Variants in CDH12 observed in about 807,000 individuals in gnomAD.
The protein encoded by CDH12 is cadherin 12, also known as cadherin-12.
A neutral mutation model predicts 74.1 loss-of-function variants in CDH12; 41 were observed. That is an observed-to-expected ratio of 0.55 (90% CI 0.43 to 0.72). The LOEUF is 0.72. Among genes scored for constraint, CDH12 ranks in the 30% least tolerant of loss-of-function variants. CDH12 has a pLI of 0.00. For synonymous variants in CDH12, 399 were observed against 355.0 expected (o/e 1.12, Z -1.39); for missense variants, 945 against 977.2 (o/e 0.97, Z 0.44).
intron 1 of CDH12, among the ~76,000 whole-genome samples, chr5:22,749,453 A>T (rs1397428695): frequency 6.6e-6 from 1 of 152,234 alleles, no homozygotes; most frequent in East Asian, 1.9e-4. Context: ...GTTTCAAGTG[A>T]ATGATTTTCA....
intron 5 of CDH12, among the ~76,000 whole-genome samples, chr5:22,030,593 A>G (rs1006989776): frequency 3.9e-5 from 6 of 152,158 alleles, no homozygotes; most frequent in African/African-American, 1.4e-4. Context: ...ATTTAACACA[A>G]CTTTTAAGGG....
chr5:22,425,156 T>TATATATATATATAA (rs1554039872), intron 2 of CDH12, among the ~76,000 whole-genome samples: 1,679 of 126,228 alleles, frequency 0.013, 45 homozygotes, highest in African/African-American at 0.047. Context: ...TGTGTGTGTA[T>TATATATATATATAA]ATATATATAT....
chr5:22,386,283 C>T (rs1481462279), intron 3 of CDH12, among the ~76,000 whole-genome samples: 1 of 152,182 alleles, frequency 6.6e-6, no homozygotes, highest in Non-Finnish European at 1.5e-5. Context: ...AGTCATCTCC[C>T]ACTAGGCCTC....
At chr5:22,185,820 G>T (rs1393567668) in intron 4 of CDH12, among the ~76,000 whole-genome samples, 1 of 152,148 alleles carries the variant, frequency 6.6e-6, no homozygotes, top group African/African-American at 2.4e-5. Context: ...CACAAAAAAA[G>T]ATTTATATCT....
chr5:22,250,855 A>G (rs2150387316), intron 3 of CDH12, among the ~76,000 whole-genome samples: 1 of 152,284 alleles, frequency 6.6e-6, no homozygotes, highest in Admixed American at 6.5e-5. Flanking sequence ...TGTAGCAATA[A>G]CAGCCTGGAT....
intron 3 of CDH12, among the ~76,000 whole-genome samples, chr5:22,307,109 G>A (rs1272417646): frequency 1.3e-5 from 2 of 152,120 alleles, no homozygotes; most frequent in Admixed American, 6.5e-5. Flanking sequence ...AGTCCTGAAT[G>A]TGGAAACTCT....
chr5:22,563,153 T>C (rs578115967), intron 1 of CDH12, among the ~76,000 whole-genome samples: 2 of 150,984 alleles, frequency 1.3e-5, no homozygotes, highest in Admixed American at 6.6e-5. Context: ...GCAGACGGAA[T>C]CAAGGAACAG....
chr5:22,153,889 A>ACAT (rs1561168560), intron 4 of CDH12, among the ~76,000 whole-genome samples: 3 of 42,060 alleles, frequency 7.1e-5, no homozygotes, highest in South Asian at 7.1e-4. Context: ...TATATATATA[A>ACAT]ATATATATAT....
intron 6 of CDH12, among the ~76,000 whole-genome samples, chr5:21,944,582 TG>T: frequency 6.6e-6 from 1 of 152,296 alleles, no homozygotes; most frequent in African/African-American, 2.4e-5. Context: ...TTAATTGGTG[TG>T]GATTATTTAA....
intron 2 of CDH12, among the ~76,000 whole-genome samples, chr5:22,414,472 C>A (rs887623019): frequency 4.6e-5 from 7 of 151,874 alleles, no homozygotes; most frequent in African/African-American, 1.7e-4. Flanking sequence ...TATTTCTATA[C>A]AATAATTGAT....
intron 1 of CDH12, among the ~76,000 whole-genome samples, chr5:22,825,370 A>G (rs1736258858): frequency 6.6e-6 from 1 of 152,126 alleles, no homozygotes; most frequent in Non-Finnish European, 1.5e-5. Flanking sequence ...ACAATTTTAG[A>G]TAGGATGGTA....
intron 3 of CDH12, among the ~76,000 whole-genome samples, chr5:22,296,080 A>AT (rs1737610672): frequency 6.6e-6 from 1 of 151,788 alleles, no homozygotes; most frequent in African/African-American, 2.4e-5. Context: ...TATGATACCT[A>AT]TAGGAGAAAA....
intron 1 of CDH12, among the ~76,000 whole-genome samples, chr5:22,599,224 T>TATTC (rs911681214): frequency 6.6e-6 from 1 of 152,200 alleles, no homozygotes; most frequent in Non-Finnish European, 1.5e-5. Context: ...AAAATTGCAC[T>TATTC]ATTCATTATT....
intron 11 of CDH12, among the ~76,000 whole-genome samples, chr5:21,777,113 T>C (rs940103084): frequency 3.3e-5 from 5 of 152,206 alleles, no homozygotes; most frequent in Non-Finnish European, 5.9e-5. Flanking sequence ...ATTTAATAAA[T>C]ATTGCTTAAA....
At chr5:22,337,105 C>T (rs1739618880) in intron 3 of CDH12, among the ~76,000 whole-genome samples, 6 of 152,196 alleles carry the variant, frequency 3.9e-5, no homozygotes, top group Admixed American at 3.9e-4. Context: ...TGCTGGCATT[C>T]AGACTTGCAT....
rs377700082 is a variant in CDH12 at position 22,173,534 on chromosome 5, C to T, written c.-187+38964G>A. ...GATTAGGCTTGGATATCCTGGACAT[C>T]CAAATAGAATCCTATATACAGATTA... is the stretch of plus-strand genomic sequence containing the variant. On this transcript the variant is annotated intron_variant, in intron 4 of 14. Coordinates refer to ENST00000382254, the MANE Select transcript of CDH12 (RefSeq NM_004061.5). Among the ~76,000 whole-genome samples, 31 of 150,910 alleles carry T rather than the reference C, an allele frequency of 2.1e-4. No homozygotes were observed. In the East Asian group the frequency reaches 2.9e-3, roughly 14 times the overall value.
At chr5:22,553,775 G>C (rs1738678880) in intron 1 of CDH12, among the ~76,000 whole-genome samples, 1 of 152,088 alleles carries the variant, frequency 6.6e-6, no homozygotes, top group South Asian at 2.1e-4. Context: ...TTTTTCCACA[G>C]ATAGGGTGGG....
chr5:22,411,790 G>A (rs949536396), intron 2 of CDH12, among the ~76,000 whole-genome samples: 3 of 151,922 alleles, frequency 2.0e-5, no homozygotes, highest in Middle Eastern at 6.8e-3. Context: ...ATAGCTTCCC[G>A]GAAAATAATC....
intron 9 of CDH12, among the ~76,000 whole-genome samples, chr5:21,803,415 T>A (rs1457600673): frequency 6.6e-6 from 1 of 152,124 alleles, no homozygotes; most frequent in African/African-American, 2.4e-5. Context: ...TACCAAGAAT[T>A]GTGGCTTTAT....
Sources: gnomAD v4.1 joint callset for allele counts (sites outside exome capture counted in the v4.1 genomes callset) on GRCh38, gnomAD v4.1.1 for gene constraint, MANE v1.5 for transcripts, NCBI Gene and HGNC (gene_info 2026-07-23, HGNC 2026-07-21) for gene names.